DAB1: variants seen among roughly 807,000 people sequenced by gnomAD.
The protein encoded by DAB1 is disabled homolog 1.
DAB1 carries 15 observed loss-of-function variants against 64.6 expected under a neutral mutation model. The ratio of observed to expected loss-of-function variants is 0.23; its 90% confidence interval spans 0.16 to 0.36. The LOEUF (loss-of-function observed/expected upper bound fraction) is 0.36. Among genes scored for constraint, DAB1 ranks in the 10% least tolerant of loss-of-function variants. The pLI, the probability that DAB1 is intolerant of heterozygous loss-of-function variation, is 1.00. For synonymous variants in DAB1, 235 were observed against 251.9 expected (o/e 0.93, Z 0.64); for missense variants, 596 against 706.7 (o/e 0.84, Z 1.78).
At chr1:58,362,886 T>C (rs1026140011) in intron 3 of DAB1, among the ~76,000 whole-genome samples, 4 of 152,202 alleles carry the variant, frequency 2.6e-5, no homozygotes, top group Non-Finnish European at 4.4e-5. Context: ...CAAAATACCA[T>C]TGACTGGGTG....
chr1:57,636,103 A>AAAC (rs1379402584), intron 7 of DAB1, among the ~76,000 whole-genome samples: 1 of 149,616 alleles, frequency 6.7e-6, no homozygotes, highest in Non-Finnish European at 1.5e-5. Flanking sequence ...TCTCAAAAAA[A>AAAC]AAAAAAAAAA....
At chr1:57,215,563 A>T (rs1176070840) in intron 2 of DAB1, among the ~76,000 whole-genome samples, 4 of 152,228 alleles carry the variant, frequency 2.6e-5, no homozygotes, top group African/African-American at 7.2e-5. Flanking sequence ...TTTGTGTTCA[A>T]GCGCTCTTTA....
chr1:57,487,863 T>C (rs1195035578), intron 7 of DAB1, among the ~76,000 whole-genome samples: 2 of 152,186 alleles, frequency 1.3e-5, no homozygotes, highest in East Asian at 3.9e-4. Context: ...CTGACTAATA[T>C]TCTATAATAC....
At chr1:58,312,859 G>T (rs1662460700) in intron 4 of DAB1, among the ~76,000 whole-genome samples, 1 of 151,958 alleles carries the variant, frequency 6.6e-6, no homozygotes, top group Non-Finnish European at 1.5e-5. Context: ...AGCGTTGGCA[G>T]TACTACCTAA....
intron 6 of DAB1, among the ~76,000 whole-genome samples, chr1:57,691,407 T>C (rs562485219): frequency 2.0e-5 from 3 of 152,254 alleles, no homozygotes; most frequent in Admixed American, 6.5e-5. Context: ...ATCAGCAGGA[T>C]GTGGGTAGGG....
At chr1:57,500,193 A>C (rs530018165) in intron 7 of DAB1, among the ~76,000 whole-genome samples, 1 of 152,238 alleles carries the variant, frequency 6.6e-6, no homozygotes, top group Non-Finnish European at 1.5e-5. Context: ...AAGAGATGCT[A>C]TATCTCCCCC....
rs140467694 is a variant in DAB1 at position 57,252,235 on chromosome 1, G to A, written c.67+38729C>T. 7.4e-3 allele frequency among the ~76,000 whole-genome samples: 1,133 copies of A among 152,174 alleles called. 6 individuals are homozygous for A. The highest frequency in any genetic ancestry group is 0.012 in the Non-Finnish European group (828 of 68,004). ...ATTATCAGCGCAAATCTGGCCCACAGCCTATATTCTCCCATTTGATTCTGT... is the reference window on the plus strand; with the variant it reads ...ATTATCAGCGCAAATCTGGCCCACAACCTATATTCTCCCATTTGATTCTGT... On this transcript the variant is annotated intron_variant, in intron 2 of 14. Transcript: ENST00000371236.
chr1:57,394,712 A>C (rs1371453022), intron 1 of DAB1, among the ~76,000 whole-genome samples: 1 of 152,186 alleles, frequency 6.6e-6, no homozygotes, highest in Non-Finnish European at 1.5e-5. Flanking sequence ...CAAAAGACCA[A>C]AGCCAAATTT....
At position 57,473,902 on chromosome 1, in the gene DAB1, T is replaced by A. The variant is rs1643898539; in HGVS notation, n.625+175690A>T. ...TGTCTATTCATTCTTAAAGACAGGG[T>A]GCCCATAGCGGAGACACAAAAACAC... On this transcript the variant is annotated intron_variant and non_coding_transcript_variant, in intron 7 of 20. Transcript: ENST00000485760. Among the ~76,000 whole-genome samples, 3 of 152,136 alleles carry A rather than the reference T, an allele frequency of 2.0e-5. 1 individual carries two copies. In the South Asian group the frequency reaches 6.2e-4, roughly 32 times the overall value.
At chr1:57,964,359 C>A (rs923852978) in intron 5 of DAB1, among the ~76,000 whole-genome samples, 1 of 152,178 alleles carries the variant, frequency 6.6e-6, no homozygotes, top group Non-Finnish European at 1.5e-5. Context: ...ATACATTGAG[C>A]TCTTACTGTA....
chr1:57,890,445 TCTTTTCTTTTC>T (rs1644294062), intron 5 of DAB1, among the ~76,000 whole-genome samples: 1 of 136,120 alleles, frequency 7.3e-6, no homozygotes, highest in African/African-American at 3.1e-5. Flanking sequence ...TGCTTTTCTT[TCTTTTCTTTTC>T]TTTTTTTTTT....
intron 7 of DAB1, among the ~76,000 whole-genome samples, chr1:57,591,782 C>T (rs1160843414): frequency 6.6e-6 from 1 of 152,190 alleles, no homozygotes; most frequent in East Asian, 1.9e-4. Context: ...TGCACATCTG[C>T]CTCAGACAGG....
intron 4 of DAB1, among the ~76,000 whole-genome samples, chr1:58,166,286 C>CA (rs1655827421): frequency 6.6e-6 from 1 of 152,120 alleles, no homozygotes; most frequent in Non-Finnish European, 1.5e-5. Context: ...ATCGCCACCC[C>CA]AAAAAGATGC....
At chr1:57,831,460 A>T (rs531672719) in intron 1 of DAB1, among the ~76,000 whole-genome samples, 17 of 152,238 alleles carry the variant, frequency 1.1e-4, no homozygotes, top group African/African-American at 3.9e-4. Flanking sequence ...AGTCTTAGGT[A>T]ACCCCACCAA....
chr1:58,382,742 T>G (rs535619704), intron 3 of DAB1, among the ~76,000 whole-genome samples: 22 of 152,348 alleles, frequency 1.4e-4, no homozygotes, highest in African/African-American at 4.6e-4. Flanking sequence ...ACAGGACATT[T>G]GGCAAACTGT....
At chr1:57,386,343 T>C (rs1246868313) in intron 1 of DAB1, among the ~76,000 whole-genome samples, 1 of 144,134 alleles carries the variant, frequency 6.9e-6, no homozygotes, top group Admixed American at 7.0e-5. Context: ...TTGTTTTATC[T>C]CTGCCTCACT....
chr1:57,100,222 T>C (rs1194219298), intron 4 of DAB1, among the ~76,000 whole-genome samples: 1 of 152,216 alleles, frequency 6.6e-6, no homozygotes, highest in Non-Finnish European at 1.5e-5. Flanking sequence ...ATTATGAAGA[T>C]GAAGTGAGCA....
intron 6 of DAB1, among the ~76,000 whole-genome samples, chr1:57,727,870 C>G (rs1273884956): frequency 6.6e-6 from 1 of 152,104 alleles, no homozygotes; most frequent in Non-Finnish European, 1.5e-5. Flanking sequence ...CAATATCTGG[C>G]TCAGCAAATC....
chr1:57,949,023 T>C (rs1645225911), intron 5 of DAB1, among the ~76,000 whole-genome samples: 1 of 152,182 alleles, frequency 6.6e-6, no homozygotes, highest in Non-Finnish European at 1.5e-5. Context: ...TCTACCATTG[T>C]ACCAACTACA....
Sources: gnomAD v4.1 joint callset for allele counts (sites outside exome capture counted in the v4.1 genomes callset) on GRCh38, gnomAD v4.1.1 for gene constraint, MANE v1.5 for transcripts, NCBI Gene and HGNC (gene_info 2026-07-23, HGNC 2026-07-21) for gene names.